The following CPT1B variants were observed in gnomAD, a reference collection of about 807,000 sequenced individuals.
The protein encoded by CPT1B is carnitine palmitoyltransferase 1B.
A neutral mutation model predicts 92.7 loss-of-function variants in CPT1B; 57 were observed. That is an observed-to-expected ratio of 0.62 (90% CI 0.50 to 0.77). CPT1B has a LOEUF of 0.77. Among genes scored for constraint, CPT1B ranks in the 30% least tolerant of loss-of-function variants. The probability of loss-of-function intolerance (pLI) is 0.00; values close to 1 mark genes in which losing one functional copy is unlikely to be tolerated. For missense variants in CPT1B, 983 were observed against 1,017.4 expected, an observed-to-expected ratio of 0.97 and a Z score of 0.46; for synonymous variants, 398 against 383.5, an observed-to-expected ratio of 1.04 and a Z score of -0.44.
chr22:50,576,608 G>A lies in CPT1B; in HGVS notation c.489C>T (p.His163=). The change falls in exon 5 of 20, where the codon CAC becomes CAT. Residue 163 remains histidine, a synonymous_variant. Coordinates refer to ENST00000312108, the MANE Select transcript of CPT1B (RefSeq NM_152246.3). The part of the protein sequence containing the change: ...AMCIRLLSSR[H]PMLYSFQTSL... ...ATGTCTGGAAGCTGTAGAGCATAGG[G>A]TGCCGGCTGGATAGAAGGCGGATAC... 1 of 1,610,384 alleles carries A rather than the reference G, an allele frequency of 6.2e-7. No individual in the cohort carries two copies. Among genetic ancestry groups the A allele is most frequent in the Non-Finnish European group, 8.5e-7 (1 of 1,178,504 alleles).
In CPT1B at chr22:50,574,208, C is replaced by A. The variant is rs2070324885; in HGVS notation, c.970+127G>T. On this transcript the variant is annotated intron_variant, in intron 9 of 19. Transcript: ENST00000312108. The stretch of plus-strand genomic sequence containing the variant: ...CCTGTAAACAATGGATGTCTAGTAT[C>A]TGTCACAATTGACTACTGTTCACAG... 4.0e-6 allele frequency: 3 copies of A among 749,396 alleles called. No individual in the cohort carries two copies. The South Asian group carries it at 4.9e-5, about 12-fold the overall frequency. 46.4% of individuals were successfully genotyped at this position (749,396 alleles called of 1,614,324 possible).
In CPT1B at chr22:50,577,412, C is replaced by G. The variant is rs759626443; in HGVS notation, c.193G>C (p.Val65Leu). Residue 65 changes from valine (V) to leucine (L), a missense_variant, in exon 3 of 20, where the codon GTC becomes CTC. Coordinates refer to ENST00000312108, the MANE Select transcript of CPT1B (RefSeq NM_152246.3). The stretch of plus-strand genomic sequence containing the variant: ...GAGGAACCCACTGTTGCCATGATGA[C>G]GACCAGCCAGCTGGTGGGGCTGCCA... Reference protein sequence around the residue: ...YPGSPTSWLVVIMATVGSSFC... With the variant: ...YPGSPTSWLVLIMATVGSSFC... The G allele has an allele frequency of 1.2e-6, 2 of 1,613,812 alleles. No individual in the cohort carries two copies. The highest frequency in any genetic ancestry group is 3.3e-5 in the Admixed American group (2 of 60,008).
chr22:50,569,539 C>A (rs1275339055), intron 18 of CPT1B, 37 bp downstream of exon 18: 1 of 1,608,632 alleles, frequency 6.2e-7, no homozygotes, highest in South Asian at 1.1e-5. Context: ...CCAGGTGGCA[C>A]CCCTTCCTCA....
At chr22:50,574,758 C>G (rs1414437714) in intron 7 of CPT1B, 158 bp from the exon 8 acceptor site, 1 of 623,004 alleles carries the variant, frequency 1.6e-6, no homozygotes, top group Non-Finnish European at 2.9e-6. Context: ...CAGAAATGCA[C>G]AACTGATCGC....
rs147069509 is a variant in CPT1B at position 50,569,296 on chromosome 22, C to T, written c.*2+40G>A. On this transcript the variant is annotated intron_variant, in intron 19 of 19. Transcript: ENST00000312108. ...GTGAGCTGCCACAGGTCCCTTCCTC[C>T]ACAGTGTGGGGACGAAAGGGCAGCT... 1.2e-3 allele frequency: 1,922 copies of T among 1,601,658 alleles called. 3 individuals carry two copies. Among genetic ancestry groups the T allele is most frequent in the Non-Finnish European group, 1.5e-3 (1,713 of 1,170,626 alleles).
At chr22:50,574,809 C>G in intron 7 of CPT1B, 1 of 554,476 alleles carries the variant, frequency 1.8e-6, no homozygotes, top group Non-Finnish European at 3.2e-6. Flanking sequence ...CTGCTTTATT[C>G]TTTATTTTTT....
In CPT1B at chr22:50,573,778, C is replaced by T; in HGVS notation, c.971-63G>A. 1 of 1,465,280 alleles carries T rather than the reference C, an allele frequency of 6.8e-7. No individual in the cohort carries two copies. Among genetic ancestry groups the T allele is most frequent in the South Asian group, 1.2e-5 (1 of 84,508 alleles). The allele number at this position is 1,465,280 out of a possible 1,614,324, so 90.8% of individuals were successfully genotyped here. On this transcript the variant is annotated intron_variant, in intron 9 of 19. Transcript: ENST00000312108. This position sits in a 1 kb window ranked among gnomAD's most constrained non-coding sequence, Gnocchi z 5.0. The stretch of plus-strand genomic sequence containing the variant: ...CCAGCTACATCCTGGGAAGGGCCCA[C>T]CTCCCATGCACTAGGTGACCCCTGC...
Position 50,573,004 on chromosome 22 carries a change from G to C in CPT1B, c.1223C>G (p.Ala408Gly), listed in dbSNP as rs1404154464. ...AFFSSGKNKA[A>G]LEAIERAAFF... The stretch of plus-strand genomic sequence containing the variant: ...AGCGGCACGCTCGATGGCCTCCAAG[G>C]CAGCCTTATTCTTTCCAGAGCTAAA... Residue 408 changes from alanine (A) to glycine (G), a missense_variant, in exon 11 of 20, where the codon GCC (alanine) becomes GGC (glycine). Physicochemically the swap from Ala to Gly is moderately conservative, Grantham distance 60 (BLOSUM62 0). Transcript: ENST00000312108. The surrounding 1 kb of genome is among the most constrained non-coding windows in gnomAD (Gnocchi z 5.0). 6.2e-7 allele frequency: 1 copy of C among 1,613,436 alleles called. No individual in the cohort carries two copies. Among genetic ancestry groups the C allele is most frequent in the Non-Finnish European group, 8.5e-7 (1 of 1,179,716 alleles).
In CPT1B at chr22:50,577,406, T is replaced by C. The variant is rs2070497697; in HGVS notation, c.199A>G (p.Met67Val). The C allele has an allele frequency of 6.2e-7, 1 of 1,613,930 alleles. No homozygotes were observed. The highest frequency in any genetic ancestry group is 8.5e-7 in the Non-Finnish European group (1 of 1,180,002). The change falls in exon 3 of 20, where the codon ATG (methionine) becomes GTG (valine). Residue 67 changes from methionine (M) to valine (V), a missense_variant. Met to Val is a conservative substitution (Grantham distance 21). Transcript: ENST00000312108. The part of the protein sequence containing the change: ...GSPTSWLVVI[M>V]ATVGSSFCNV... ...CAGAAGGAGGAACCCACTGTTGCCA[T>C]GATGACGACCAGCCAGCTGGTGGGG...
In CPT1B at chr22:50,577,911, G is replaced by C; in HGVS notation, c.5C>G (p.Ala2Gly). The change falls in exon 2 of 20, where the codon GCG becomes GGG. Residue 2 changes from alanine to glycine, a missense_variant. By Grantham distance (60) the Ala-to-Gly change is moderately conservative. Coordinates refer to ENST00000312108, the MANE Select transcript of CPT1B (RefSeq NM_152246.3). M[A>G]EAHQAVAFQF... ...GAAGGCCACGGCCTGGTGAGCTTCC[G>C]CCATCCTGGGGGTTGGTCGGCACCT... The C allele has an allele frequency of 6.2e-7, 1 of 1,609,440 alleles. No homozygotes were observed. Among genetic ancestry groups the C allele is most frequent in the East Asian group, 2.2e-5 (1 of 44,754 alleles).
In CPT1B at chr22:50,572,908, C is replaced by T. The variant is rs755069522; in HGVS notation, c.1319G>A (p.Gly440Asp). Reference sequence around the variant, plus strand: ...GCAGTTGCCATGTAGCAGGGCCTTGCCATAGAGGCTGAGGCTGGCCTCATC... The same window carrying T: ...GCAGTTGCCATGTAGCAGGGCCTTGTCATAGAGGCTGAGGCTGGCCTCATC... ...PEDEASLSLY[G>D]KALLHGNCYN... Residue 440 changes from glycine to aspartate, a missense_variant, in exon 11 of 20, where the codon GGC (glycine) becomes GAC (aspartate). By Grantham distance (94) the Gly-to-Asp change is moderately conservative. Transcript: ENST00000312108. 12 of 1,611,202 alleles carry T rather than the reference C, an allele frequency of 7.4e-6. No homozygotes were observed. The highest frequency in any genetic ancestry group is 1.7e-5 in the Admixed American group (1 of 59,960).
rs756062628 is a variant in CPT1B at position 50,577,359 on chromosome 22, C to T, written c.246G>A (p.Gly82=). 2 of 1,613,946 alleles carry T rather than the reference C, an allele frequency of 1.2e-6. No individual in the cohort carries two copies. Among genetic ancestry groups the T allele is most frequent in the African/African-American group, 1.3e-5 (1 of 75,068 alleles). ...SSFCNVDISL[G]LVSCIQRCLP... is the part of the protein sequence containing the mutation. Reference sequence around the variant, plus strand: ...GGCATCTCTGGATGCAACTGACCAGCCCCAAGGAGATGTCCACGTTGCAGA... The same window carrying T: ...GGCATCTCTGGATGCAACTGACCAGTCCCAAGGAGATGTCCACGTTGCAGA... The change falls in exon 3 of 20, where the codon GGG becomes GGA. Residue 82 remains glycine (G), a synonymous_variant. Coordinates refer to ENST00000312108, the MANE Select transcript of CPT1B (RefSeq NM_152246.3).
chr22:50,569,329 C>T lies in CPT1B; in HGVS notation c.*2+7G>A, dbSNP rs950702810. 1 of 1,613,692 alleles carries T rather than the reference C, an allele frequency of 6.2e-7. No individual in the cohort carries two copies. The highest frequency in any genetic ancestry group is 1.7e-5 in the Admixed American group (1 of 60,006). On this transcript the variant is annotated splice_region_variant and intron_variant, in intron 19 of 19. Coordinates refer to ENST00000312108, the MANE Select transcript of CPT1B (RefSeq NM_152246.3). ...GGGGACGAAAGGGCAGCTGGCATTT[C>T]TCCAACCTTCAGCTGTAGGCCTTGG...
intron 5 of CPT1B, 85 bp downstream of exon 5, chr22:50,576,451 A>G: frequency 6.3e-7 from 1 of 1,599,148 alleles, no homozygotes; most frequent in East Asian, 2.2e-5. Flanking sequence ...CCTTAAGGCC[A>G]CTCTTTGCAC....
In CPT1B at chr22:50,576,574, T is replaced by C. The variant is rs182821554; in HGVS notation, c.523A>G (p.Lys175Glu). Residue 175 changes from lysine to glutamate, a missense_variant, in exon 5 of 20, where the codon AAG becomes GAG. Coordinates refer to ENST00000312108, the MANE Select transcript of CPT1B (RefSeq NM_152246.3). ...MLYSFQTSLP[K>E]LPVPRVSATI... ...GCTGACACCCTGGGCACAGGAAGCT[T>C]GGGCAGAGATGTCTGGAAGCTGTAG... The C allele has an allele frequency of 6.2e-7, 1 of 1,607,924 alleles. No homozygotes were observed. The highest frequency in any genetic ancestry group is 1.7e-5 in the Admixed American group (1 of 58,764).
Position 50,573,894 on chromosome 22 carries a change from C to T in CPT1B, c.971-179G>A, listed in dbSNP as rs1326107012. 5 of 718,100 alleles carry T rather than the reference C, an allele frequency of 7.0e-6. No individual in the cohort carries two copies. Among genetic ancestry groups the T allele is most frequent in the South Asian group, 4.5e-5 (3 of 66,814 alleles). The allele number at this position is 718,100 out of a possible 1,614,324, so 44.5% of individuals were successfully genotyped here. ...AACCAGGCCCTGTGCTGGGTGCTTC[C>T]ACTCTCTCTCACGCAACACCAACAA... On this transcript the variant is annotated intron_variant, in intron 9 of 19. Transcript: ENST00000312108. This position sits in a 1 kb window ranked among gnomAD's most constrained non-coding sequence, Gnocchi z 5.0.
At chr22:50,575,152 T>G (rs1188484256) in intron 7 of CPT1B, among the ~76,000 whole-genome samples, 1 of 152,124 alleles carries the variant, frequency 6.6e-6, no homozygotes, top group African/African-American at 2.4e-5. Flanking sequence ...TAGCTGGGAC[T>G]ACAGACGCCC....
intron 11 of CPT1B, among the ~76,000 whole-genome samples, chr22:50,572,572 A>G (rs955368301): frequency 6.6e-6 from 1 of 152,088 alleles, no homozygotes; most frequent in African/African-American, 2.4e-5. Flanking sequence ...GCCTGCCACC[A>G]TGCCCGGCTT....
Position 50,569,600 on chromosome 22 carries a change from G to A in CPT1B, c.2211C>T (p.Ser737=). The A allele has an allele frequency of 6.2e-7, 1 of 1,614,032 alleles. No homozygotes were observed. The highest frequency in any genetic ancestry group is 8.5e-7 in the Non-Finnish European group (1 of 1,180,014). ...CCGTCTCTGAGCTTGAGAACTTGCTGGAGATGTGGAAGAAGATCGTGTTCT... is the reference window on the plus strand; with the variant it reads ...CCGTCTCTGAGCTTGAGAACTTGCTAGAGATGTGGAAGAAGATCGTGTTCT... ...AGENTIFFHI[S]SKFSSSETNA... is the part of the protein sequence containing the mutation. Residue 737 remains serine, a synonymous_variant, in exon 18 of 20, where the codon TCC becomes TCT. Coordinates refer to ENST00000312108, the MANE Select transcript of CPT1B (RefSeq NM_152246.3).
Sources: allele counts gnomAD v4.1 joint callset (sites outside exome capture counted in the v4.1 genomes callset), GRCh38; gene constraint gnomAD v4.1.1; non-coding constraint Gnocchi (gnomAD v3.1); transcripts MANE v1.5; gene names NCBI Gene and HGNC (gene_info 2026-07-23, HGNC 2026-07-21).